Variants in HMGXB4 observed in about 807,000 individuals in gnomAD.
HMGXB4 encodes the protein HMG domain-containing protein 4.
HMGXB4 carries 27 observed loss-of-function variants against 63.9 expected under a neutral mutation model. The ratio of observed to expected loss-of-function variants is 0.42; its 90% CI spans 0.31 to 0.58. The LOEUF (loss-of-function observed/expected upper bound fraction) is 0.58. HMGXB4 is among the 20% of genes least tolerant of loss of function. The probability of loss-of-function intolerance (pLI) is 0.13; values close to 1 mark genes in which losing one functional copy is unlikely to be tolerated. For synonymous variants in HMGXB4, 264 were observed against 265.3 expected (o/e 0.99, Z 0.05); for missense variants, 624 against 700.7 (o/e 0.89, Z 1.24).
At chr22:35,257,270 T>C (rs1348959886), upstream of HMGXB4, among the ~76,000 whole-genome samples, 3 of 152,210 alleles carry the variant, frequency 2.0e-5, no homozygotes, top group African/African-American at 7.2e-5. Flanking sequence ...TTCTGCAAAA[T>C]GCGACAGGAA....
rs1922919617 is a variant in HMGXB4 at position 35,262,424 on chromosome 22, A to G, written c.31+3A>G. On this transcript the variant is annotated splice_donor_region_variant and intron_variant, in intron 2 of 10. Transcript: ENST00000216106. ...TGATGACTCCGTGAAGAAAGAAGGT[A>G]TGACCCCATAATCTGAGAAGCATTC... The G allele has an allele frequency of 6.2e-7, 1 of 1,613,632 alleles. No homozygotes were observed. Among genetic ancestry groups the G allele is most frequent in the Non-Finnish European group, 8.5e-7 (1 of 1,179,630 alleles).
At chr22:35,249,485 G>A in the HMGXB4 span, among the ~76,000 whole-genome samples, 7 of 97,690 alleles carry the variant, frequency 7.2e-5, 2 homozygotes, top group South Asian at 2.6e-3. Flanking sequence ...ATCAAATATG[G>A]GCTATACTGC....
intron 5 of HMGXB4, among the ~76,000 whole-genome samples, chr22:35,274,243 G>T (rs1410419201): frequency 6.6e-6 from 1 of 152,192 alleles, no homozygotes; most frequent in Non-Finnish European, 1.5e-5. Flanking sequence ...GGAATTATCA[G>T]GTGGAAAATA....
chr22:35,269,158 C>T (rs1357586159), intron 5 of HMGXB4, among the ~76,000 whole-genome samples: 2 of 152,188 alleles, frequency 1.3e-5, no homozygotes, highest in Non-Finnish European at 2.9e-5. Flanking sequence ...AGGTAGATCA[C>T]TTGAGGTCAG....
At position 35,294,338 on chromosome 22, in the gene HMGXB4, G is replaced by C. The variant is rs2145579539; in HGVS notation, c.*687G>C. Reference sequence around the variant, plus strand: ...GAGCCCTGGCAGCAAAAAACACCTTGGGGGGTGAAGCTGTCAATGCCACCA... The same window carrying C: ...GAGCCCTGGCAGCAAAAAACACCTTCGGGGGTGAAGCTGTCAATGCCACCA... On this transcript the variant is annotated 3_prime_UTR_variant, in exon 11 of 11. Coordinates refer to ENST00000216106, the MANE Select transcript of HMGXB4 (RefSeq NM_001003681.3). 6.6e-6 allele frequency: 1 copy of C among 152,628 alleles called. No individual in the cohort carries two copies. The highest frequency in any genetic ancestry group is 1.9e-4 in the East Asian group (1 of 5,178). The allele number at this position is 152,628 out of a possible 1,614,324, so 9.5% of individuals were successfully genotyped here. A position where few individuals can be genotyped will look rare whatever the true frequency, so the allele number is the denominator to read the frequency against.
intron 9 of HMGXB4, among the ~76,000 whole-genome samples, chr22:35,291,937 A>G (rs1211971424): frequency 6.6e-6 from 1 of 152,210 alleles, no homozygotes; most frequent in East Asian, 1.9e-4. Context: ...GATGAGGGAA[A>G]GGAAGAGTCA....
intron 7 of HMGXB4, chr22:35,287,126 A>T: frequency 4.1e-6 from 2 of 483,908 alleles, no homozygotes; most frequent in South Asian, 5.0e-5. Flanking sequence ...AGATTTGACC[A>T]TTAGCATTGA....
intron 6 of HMGXB4, among the ~76,000 whole-genome samples, chr22:35,285,781 T>A (rs1924536834): frequency 6.6e-6 from 1 of 152,168 alleles, no homozygotes; most frequent in Admixed American, 6.5e-5. Flanking sequence ...GTAGATGGGT[T>A]ACGAGTTGAG....
chr22:35,278,602 A>C (rs1924045261), intron 5 of HMGXB4, among the ~76,000 whole-genome samples: 1 of 152,006 alleles, frequency 6.6e-6, no homozygotes, highest in Non-Finnish European at 1.5e-5. Flanking sequence ...AACCCCTTCC[A>C]AACCACCACC....
chr22:35,276,513 G>T (rs1000916789), intron 5 of HMGXB4, among the ~76,000 whole-genome samples: 16 of 152,172 alleles, frequency 1.1e-4, no homozygotes, highest in Non-Finnish European at 2.1e-4. Context: ...GGAATGAGTG[G>T]CAGGTGGAAC....
At chr22:35,245,781 G>T in the HMGXB4 span, among the ~76,000 whole-genome samples, 1 of 152,138 alleles carries the variant, frequency 6.6e-6, no homozygotes, top group Admixed American at 6.5e-5. Flanking sequence ...CACCAGAGGG[G>T]GGTTCCTCAT....
At chr22:35,262,232 A>G (rs4820189) in intron 1 of HMGXB4, 91 bp from the exon 2 acceptor site, 409,742 of 692,034 alleles carry the variant, frequency 0.59, 127,189 homozygotes, top group Non-Finnish European at 0.65. Flanking sequence ...CCTTCCAGTC[A>G]GCCCTTGGAT....
At chr22:35,246,184 G>A in the HMGXB4 span, among the ~76,000 whole-genome samples, 1 of 152,210 alleles carries the variant, frequency 6.6e-6, no homozygotes, top group Non-Finnish European at 1.5e-5. Flanking sequence ...AAAGAAAGTG[G>A]AAGTCTGGGC....
In HMGXB4 at chr22:35,284,063, G is replaced by A. The variant is rs1463555031; in HGVS notation, c.1297+20G>A. The stretch of plus-strand genomic sequence containing the variant: ...GTATAGGTAAGAACATTACTGATCT[G>A]TAGCGCTTTTGCTTTCCATTTATAT... On this transcript the variant is annotated intron_variant, in intron 6 of 10. Coordinates refer to ENST00000216106, the MANE Select transcript of HMGXB4 (RefSeq NM_001003681.3). 1.3e-6 allele frequency: 2 copies of A among 1,557,438 alleles called. No individual in the cohort carries two copies. Among genetic ancestry groups the A allele is most frequent in the Admixed American group, 1.7e-5 (1 of 59,692 alleles).
chr22:35,279,616 T>C (rs1166809190), intron 5 of HMGXB4, among the ~76,000 whole-genome samples: 1 of 151,862 alleles, frequency 6.6e-6, no homozygotes, highest in East Asian at 1.9e-4. Flanking sequence ...GTACTTTACA[T>C]TTAGGTCTGA....
intron 2 of HMGXB4, 195 bp from the exon 3 acceptor site, chr22:35,262,883 T>G: frequency 1.6e-6 from 1 of 608,752 alleles, no homozygotes; most frequent in Non-Finnish European, 2.9e-6. Context: ...TTCTTCAGGT[T>G]TGATTCTTGT....
At chr22:35,252,885 C>G (rs1409457406), upstream of HMGXB4, among the ~76,000 whole-genome samples, 1 of 152,050 alleles carries the variant, frequency 6.6e-6, no homozygotes, top group Admixed American at 6.6e-5. Context: ...GCCTGTAATC[C>G]CAGCTCGGGA....
At position 35,259,163 on chromosome 22, in the gene HMGXB4, T is replaced by G. The variant is rs528599660; in HGVS notation, c.-69+1606T>G. Among the ~76,000 whole-genome samples the G allele has an allele frequency of 2.6e-5, 4 of 152,280 alleles. No homozygotes were observed. In the South Asian group the frequency reaches 6.2e-4, roughly 24 times the overall value. ...TCCTTTTTCATATCCTGAAGAAAAG[T>G]CCCCGAAGAGCTATTTAACAATTTG... On this transcript the variant is annotated intron_variant, in intron 1 of 10. Transcript: ENST00000216106.
Position 35,293,033 on chromosome 22 carries a change from T to C in HMGXB4, c.1680T>C (p.Asp560=). The C allele has an allele frequency of 6.2e-7, 1 of 1,614,242 alleles. No individual in the cohort carries two copies. The highest frequency in any genetic ancestry group is 8.5e-7 in the Non-Finnish European group (1 of 1,180,028). The change falls in exon 10 of 11, where the codon GAT becomes GAC. Residue 560 remains aspartate (D), a synonymous_variant. Coordinates refer to ENST00000216106, the MANE Select transcript of HMGXB4 (RefSeq NM_001003681.3). ...CTGGCAGTTTGTCAGTGCTTCTGGA[T>C]TCCATTATCTGTGCCCTTGGCCCCT... ...AVSGSLSVLL[D]SIICALGPLA... is the part of the protein sequence containing the mutation.
Sources: allele counts gnomAD v4.1 joint callset (sites outside exome capture counted in the v4.1 genomes callset), GRCh38; gene constraint gnomAD v4.1.1; transcripts MANE v1.5; gene names NCBI Gene and HGNC (gene_info 2026-07-23, HGNC 2026-07-21).